COL24A1: variants seen among roughly 807,000 people sequenced by gnomAD.
The protein encoded by COL24A1 is collagen alpha-1(XXIV) chain.
In COL24A1, 224 loss-of-function variants were observed where a neutral mutation model predicts 253.9. That is an observed-to-expected ratio of 0.88 (90% CI 0.79 to 0.99). COL24A1 has a LOEUF of 0.99. Ranked by LOEUF, COL24A1 falls within the 50% of genes least tolerant of loss-of-function variation. The pLI is 0.00. For synonymous variants in COL24A1, 685 were observed against 673.7 expected (o/e 1.02, Z -0.26); for missense variants, 2,131 against 2,068.5 (o/e 1.03, Z -0.59).
intron 53 of COL24A1, among the ~76,000 whole-genome samples, chr1:85,763,537 G>T (rs973986853): frequency 6.8e-6 from 1 of 146,934 alleles, no homozygotes; most frequent in Non-Finnish European, 1.5e-5. Flanking sequence ...TGTTTCCCAG[G>T]CTGGAGTGCA....
chr1:85,893,630 T>C lies in COL24A1; in HGVS notation c.2922+2228A>G, dbSNP rs185891978. Among the ~76,000 whole-genome samples the C allele has an allele frequency of 3.3e-5, 5 of 152,248 alleles. No homozygotes were observed. The East Asian group carries it at 7.7e-4, about 24-fold the overall frequency. On this transcript the variant is annotated intron_variant, in intron 31 of 59. Transcript: ENST00000370571. ...AGTCAGATGTATGGGAGGCAAGTAT[T>C]GTATAGGAAACAGTGTTGGTCCACG...
rs1399347618 is a variant in COL24A1, at chr1:85,842,375, C to T, written c.3481G>A (p.Gly1161Arg). ...GGAATTCCTGGTTCTCCATCAGGTCCCATCAATCCTAAATGTCCCTGAAAA... is the reference window on the plus strand; with the variant it reads ...GGAATTCCTGGTTCTCCATCAGGTCTCATCAATCCTAAATGTCCCTGAAAA... ...RGAVGHLGLMGPDGEPGIPGY... is the reference protein window; with the variant it reads ...RGAVGHLGLMRPDGEPGIPGY... Residue 1161 changes from glycine (G) to arginine (R), a missense_variant, in exon 40 of 60, where the codon GGA (glycine) becomes AGA (arginine). Gly to Arg is a moderately radical substitution (Grantham distance 125). Coordinates refer to ENST00000370571, the MANE Select transcript of COL24A1 (RefSeq NM_152890.7). The T allele has an allele frequency of 4.4e-6, 7 of 1,600,668 alleles. No homozygotes were observed. Among genetic ancestry groups the T allele is most frequent in the Non-Finnish European group, 6.0e-6 (7 of 1,172,568 alleles).
At chr1:85,960,986 C>T in intron 24 of COL24A1, 1 of 273,046 alleles carries the variant, frequency 3.7e-6, no homozygotes, top group Non-Finnish European at 6.7e-6. Flanking sequence ...AAATTAAAAA[C>T]CAAATATTAG....
At chr1:85,877,676 T>C (rs1186480750) in intron 32 of COL24A1, among the ~76,000 whole-genome samples, 1 of 152,226 alleles carries the variant, frequency 6.6e-6, no homozygotes, top group African/African-American at 2.4e-5. Flanking sequence ...TGTGTGTTTT[T>C]AAAATAAATT....
intron 19 of COL24A1, among the ~76,000 whole-genome samples, chr1:86,014,015 CAG>C (rs1308164920): frequency 3.9e-5 from 6 of 152,176 alleles, no homozygotes; most frequent in East Asian, 3.9e-4. Flanking sequence ...ACTAAGAAAA[CAG>C]AGACTATCCT....
chr1:86,030,996 T>C (rs1344293713), intron 14 of COL24A1, among the ~76,000 whole-genome samples: 2 of 152,010 alleles, frequency 1.3e-5, no homozygotes, highest in Non-Finnish European at 2.9e-5. Context: ...GAACAGATAT[T>C]TGCACTCCCA....
chr1:85,755,907 GAA>G (rs199846494), intron 55 of COL24A1, among the ~76,000 whole-genome samples: 1 of 25,366 alleles, frequency 3.9e-5, no homozygotes, highest in Admixed American at 2.9e-4. Context: ...GACTATATCA[GAA>G]AAAAAAAAAA....
At chr1:86,133,492 T>G (rs1322483549) in intron 2 of COL24A1, among the ~76,000 whole-genome samples, 1 of 152,226 alleles carries the variant, frequency 6.6e-6, no homozygotes. Context: ...GGGTTTGTCA[T>G]AGATAGCACT....
chr1:86,095,821 T>C (rs1703854905), intron 5 of COL24A1, among the ~76,000 whole-genome samples: 1 of 152,144 alleles, frequency 6.6e-6, no homozygotes, highest in African/African-American at 2.4e-5. Flanking sequence ...CTATTCTTTG[T>C]TACTCAAAGT....
intron 8 of COL24A1, among the ~76,000 whole-genome samples, chr1:86,063,420 A>C (rs1701248763): frequency 6.6e-6 from 1 of 151,666 alleles, no homozygotes; most frequent in African/African-American, 2.4e-5. Context: ...CTGGGAAAGG[A>C]TTCATAGTAT....
rs765708837 is a variant in COL24A1 at position 86,126,131 on chromosome 1, T to C, written c.205A>G (p.Thr69Ala). The C allele has an allele frequency of 4.3e-6, 7 of 1,611,702 alleles. No homozygotes were observed. The highest frequency in any genetic ancestry group is 5.1e-6 in the Non-Finnish European group (6 of 1,179,684). ...SPATAVPSAS[T>A]PLPQGVHLTE... ...AAATGGACCCCCTGAGGTAACGGTG[T>C]AGATGCTGATGGTACAGCAGTCGCT... is the stretch of plus-strand genomic sequence containing the variant. The change falls in exon 3 of 60, where the codon ACA becomes GCA. Residue 69 changes from threonine to alanine, a missense_variant. By Grantham distance (58) the Thr-to-Ala change is moderately conservative. Transcript: ENST00000370571.
intron 20 of COL24A1, among the ~76,000 whole-genome samples, chr1:85,977,593 A>G (rs1339633408): frequency 6.6e-6 from 1 of 152,196 alleles, no homozygotes; most frequent in Non-Finnish European, 1.5e-5. Context: ...AAGTGTCAAT[A>G]ATAGACTAGG....
chr1:85,973,678 G>A (rs113929768), intron 20 of COL24A1, among the ~76,000 whole-genome samples: 3 of 152,242 alleles, frequency 2.0e-5, no homozygotes, highest in African/African-American at 7.2e-5. Context: ...CCGGTTAAAG[G>A]GAATGAGGTC....
At chr1:86,135,241 G>C (rs916703772) in intron 2 of COL24A1, among the ~76,000 whole-genome samples, 3 of 151,930 alleles carry the variant, frequency 2.0e-5, no homozygotes, top group Admixed American at 2.0e-4. Context: ...GCCTATGTGT[G>C]TCTCTGCACG....
At chr1:86,156,125 A>G (rs1653573770) in intron 1 of COL24A1, 1 of 486,944 alleles carries the variant, frequency 2.1e-6, no homozygotes, top group Non-Finnish European at 3.7e-6. Flanking sequence ...GCTTTAGCAT[A>G]AACTGTCTGA....
At chr1:85,991,668 G>A (rs1311614880) in intron 19 of COL24A1, among the ~76,000 whole-genome samples, 1 of 152,120 alleles carries the variant, frequency 6.6e-6, no homozygotes, top group South Asian at 2.1e-4. Context: ...CTGAATATAC[G>A]TGTGAATCTC....
chr1:86,082,475 T>G (rs1216779100), intron 7 of COL24A1, among the ~76,000 whole-genome samples: 1 of 151,998 alleles, frequency 6.6e-6, no homozygotes, highest in African/African-American at 2.4e-5. Flanking sequence ...ATGTCACCTC[T>G]TTCCCTGATT....
chr1:86,091,394 T>C (rs1241951807), intron 6 of COL24A1, among the ~76,000 whole-genome samples: 2 of 152,052 alleles, frequency 1.3e-5, no homozygotes, highest in East Asian at 1.9e-4. Flanking sequence ...AATGAAAAGA[T>C]CAGATTTCAA....
intron 20 of COL24A1, 88 bp downstream of exon 20, chr1:85,987,513 T>C (rs765336799): frequency 3.5e-6 from 4 of 1,132,398 alleles, no homozygotes; most frequent in Non-Finnish European, 5.3e-6. Flanking sequence ...AATGTTCTGA[T>C]ATTCCTAAAA....
Sources: gnomAD v4.1 joint callset for allele counts (sites outside exome capture counted in the v4.1 genomes callset) on GRCh38, gnomAD v4.1.1 for gene constraint, MANE v1.5 for transcripts, NCBI Gene and HGNC (gene_info 2026-07-23, HGNC 2026-07-21) for gene names.